Variants in EML2 observed in about 807,000 individuals in gnomAD.
EML2 encodes echinoderm microtubule-associated protein-like 2.
In EML2, 59 loss-of-function variants were observed where a neutral mutation model predicts 84.7. The ratio of observed to expected loss-of-function variants is 0.70; its 90% CI spans 0.56 to 0.86. The LOEUF (loss-of-function observed/expected upper bound fraction) is 0.86, where lower values mean the gene tolerates loss of function less well. Among genes scored for constraint, EML2 ranks in the 40% least tolerant of loss-of-function variants. EML2 has a pLI of 0.00. For missense variants in EML2, 818 were observed against 855.6 expected, an observed-to-expected ratio of 0.96 and a Z score of 0.55; for synonymous variants, 352 against 348.9, an observed-to-expected ratio of 1.01 and a Z score of -0.10.
At chr19:45,627,068 T>G (rs1025004252) in intron 7 of EML2, among the ~76,000 whole-genome samples, 2 of 151,760 alleles carry the variant, frequency 1.3e-5, no homozygotes, top group African/African-American at 4.8e-5. Context: ...CAAGCGATTC[T>G]CTTGCCTCAG....
intron 7 of EML2, among the ~76,000 whole-genome samples, chr19:45,628,071 A>G (rs1205919186): frequency 2.0e-5 from 3 of 151,466 alleles, no homozygotes; most frequent in Non-Finnish European, 4.4e-5. Flanking sequence ...GTCTCACAAA[A>G]AAAGTGAGGC....
intron 9 of EML2, among the ~76,000 whole-genome samples, chr19:45,622,041 C>CCCCACCTT (rs772534094): frequency 2.0e-5 from 3 of 152,136 alleles, no homozygotes; most frequent in Non-Finnish European, 4.4e-5. Context: ...CCATGCCCGG[C>CCCCACCTT]CCCACCTTTC....
chr19:45,634,254 G>C lies in EML2; in HGVS notation c.329+68C>G. The C allele has an allele frequency of 1.9e-6, 3 of 1,601,848 alleles. No individual in the cohort carries two copies. In the Admixed American group the frequency reaches 5.0e-5, roughly 27 times the overall value. On this transcript the variant is annotated intron_variant, in intron 4 of 18. Coordinates refer to ENST00000245925, the MANE Select transcript of EML2 (RefSeq NM_012155.4). ...GGGTAGCAATGTGAAAAGAGGCATA[G>C]AGGGGCAGGGGCTGGAGCTCCATCT... is the stretch of plus-strand genomic sequence containing the variant.
intron 11 of EML2, chr19:45,620,930 C>T: frequency 1.8e-6 from 1 of 545,862 alleles, no homozygotes; most frequent in Non-Finnish European, 3.5e-6. Context: ...TGTGGGACAA[C>T]CTGTAGGGAC....
chr19:45,626,566 C>G, intron 8 of EML2, 139 bp downstream of exon 8: 1 of 970,810 alleles, frequency 1.0e-6, no homozygotes, highest in Non-Finnish European at 1.5e-6. Flanking sequence ...GAGAAAGAAA[C>G]TGAGGCCCCA....
chr19:45,645,265 G>T (rs574051923), upstream of EML2: 209 of 1,533,156 alleles, frequency 1.4e-4, 2 homozygotes, highest in South Asian at 2.3e-3. Context: ...ACTGAGGAGG[G>T]GTCTCACCGT....
intron 14 of EML2, 86 bp downstream of exon 14, chr19:45,616,679 C>T (rs183220520): frequency 2.8e-6 from 4 of 1,432,172 alleles, no homozygotes; most frequent in Non-Finnish European, 3.9e-6. Flanking sequence ...GGCCTCGCTT[C>T]GCAGGCTCCA....
At position 45,613,565 on chromosome 19, in the gene EML2, A is replaced by T; in HGVS notation, c.1800T>A (p.Phe600Leu). ...SADDFGKVHLFSYPCCQPRAL... is the reference protein window; with the variant it reads ...SADDFGKVHLLSYPCCQPRAL... Reference sequence around the variant, plus strand: ...CTCGAGGCTGACAGCAGGGGTAGCTAAACAGGTGAACTTTGCCAAAGTCAT... The same window carrying T: ...CTCGAGGCTGACAGCAGGGGTAGCTTAACAGGTGAACTTTGCCAAAGTCAT... The change falls in exon 18 of 19, where the codon TTT becomes TTA. Residue 600 changes from phenylalanine (F) to leucine (L), a missense_variant. Physicochemically the swap from Phe to Leu is conservative, Grantham distance 22. Transcript: ENST00000245925. The T allele has an allele frequency of 6.2e-7, 1 of 1,614,002 alleles. No individual in the cohort carries two copies. Among genetic ancestry groups the T allele is most frequent in the South Asian group, 1.1e-5 (1 of 91,084 alleles).
chr19:45,642,508 G>C, upstream of EML2: 1 of 1,421,630 alleles, frequency 7.0e-7, no homozygotes, highest in Non-Finnish European at 9.2e-7. Flanking sequence ...CCAAGGAAGA[G>C]GACTCTGAAG....
chr19:45,621,505 T>TA lies in EML2; in HGVS notation c.973dup (p.Tyr325LeufsTer11). 1 of 1,611,600 alleles carries TA rather than the reference T, an allele frequency of 6.2e-7. No individual in the cohort carries two copies. Among genetic ancestry groups the TA allele is most frequent in the Non-Finnish European group, 8.5e-7 (1 of 1,179,820 alleles). On this transcript the variant is annotated frameshift_variant, in exon 10 of 19. Coordinates refer to ENST00000245925, the MANE Select transcript of EML2 (RefSeq NM_012155.4). LOFTEE classifies it high-confidence loss of function. ...CACCTCCACTTCCTGCAGCTTGCTGTAGTCAGAACCCCAGAGGACCACCCG... is the reference window on the plus strand; with the variant it reads ...CACCTCCACTTCCTGCAGCTTGCTGTAAGTCAGAACCCCAGAGGACCACCCG...
chr19:45,633,499 G>T (rs1973328795), intron 4 of EML2, among the ~76,000 whole-genome samples: 1 of 151,874 alleles, frequency 6.6e-6, no homozygotes, highest in Non-Finnish European at 1.5e-5. Flanking sequence ...AGCACTTTGG[G>T]AGGCCGAGGC....
chr19:45,621,307 C>T lies in EML2; in HGVS notation c.1022G>A (p.Arg341His), dbSNP rs762510952. ...GTCTCCGTGGCCCTCTGCCACGGTG[C>T]GCACAGGGCCAAAGTCCTCAGGGAC... is the stretch of plus-strand genomic sequence containing the variant. ...VEVPEDFGPV[R>H]TVAEGHGDTL... Residue 341 changes from arginine (R) to histidine (H), a missense_variant, in exon 11 of 19, where the codon CGC becomes CAC. Coordinates refer to ENST00000245925, the MANE Select transcript of EML2 (RefSeq NM_012155.4). The T allele has an allele frequency of 1.4e-5, 22 of 1,609,638 alleles. No individual in the cohort carries two copies. Among genetic ancestry groups the T allele is most frequent in the East Asian group, 1.3e-4 (6 of 44,788 alleles).
chr19:45,635,894 T>C (rs1973674450), intron 3 of EML2, among the ~76,000 whole-genome samples: 1 of 151,708 alleles, frequency 6.6e-6, no homozygotes, highest in Non-Finnish European at 1.5e-5. Flanking sequence ...GCCCGGGCTA[T>C]GTCTGTTTCT....
intron 3 of EML2, among the ~76,000 whole-genome samples, chr19:45,635,583 C>CTTT (rs1172930803): frequency 2.6e-4 from 28 of 108,472 alleles, no homozygotes; most frequent in African/African-American, 6.8e-4. Flanking sequence ...TGTCTGTTTC[C>CTTT]TTTTTTTTTT....
At chr19:45,640,638 C>T (rs965555024), upstream of EML2, 6 of 152,250 alleles carry the variant, frequency 3.9e-5, no homozygotes, top group Middle Eastern at 3.4e-3. Context: ...AGGATGGTCT[C>T]GATCTCTTGA....
At chr19:45,616,038 T>G (rs999612001) in intron 15 of EML2, 149 bp from the exon 16 acceptor site, 34 of 656,440 alleles carry the variant, frequency 5.2e-5, no homozygotes, top group Non-Finnish European at 9.3e-5. Flanking sequence ...GCCTTTGGAG[T>G]ATGGGGGCAG....
At position 45,610,890 on chromosome 19, in the gene EML2, C is replaced by T. The variant is rs1970426041; in HGVS notation, c.1825-1102G>A. Among the ~76,000 whole-genome samples the T allele has an allele frequency of 5.9e-5, 9 of 152,266 alleles. No homozygotes were observed. In the South Asian group the frequency reaches 1.9e-3, roughly 32 times the overall value. On this transcript the variant is annotated intron_variant, in intron 18 of 18. Coordinates refer to ENST00000245925, the MANE Select transcript of EML2 (RefSeq NM_012155.4). ...AGCAGGGCAACTGAATTGGTTTATT[C>T]AGCAAGTTAATGGCATAAATAGAAG...
chr19:45,629,648 A>G (rs1972791683), intron 7 of EML2, among the ~76,000 whole-genome samples: 1 of 145,784 alleles, frequency 6.9e-6, no homozygotes, highest in Non-Finnish European at 1.5e-5. Flanking sequence ...TTAAGTAGAG[A>G]TAGGTCTCCT....
At chr19:45,629,820 A>C (rs1365496426) in intron 7 of EML2, 131 bp downstream of exon 7, 1 of 714,718 alleles carries the variant, frequency 1.4e-6, no homozygotes, top group East Asian at 2.7e-5. Context: ...GGCTTGCTCA[A>C]GTCACACAGC....
Sources: gnomAD v4.1 joint callset for allele counts (sites outside exome capture counted in the v4.1 genomes callset) on GRCh38, gnomAD v4.1.1 for gene constraint, MANE v1.5 for transcripts, NCBI Gene and HGNC (gene_info 2026-07-23, HGNC 2026-07-21) for gene names.